RAPH1: variants seen among roughly 807,000 people sequenced by gnomAD.
RAPH1 encodes the protein ras-associated and pleckstrin homology domains-containing protein 1.
RAPH1 carries 18 observed loss-of-function variants against 88.1 expected under a neutral mutation model. The observed-to-expected ratio is 0.20, with a 90% CI of 0.14 to 0.30. RAPH1 has a LOEUF of 0.30. Ranked by LOEUF, RAPH1 falls within the 10% of genes least tolerant of loss-of-function variation. The pLI is 1.00. For synonymous variants in RAPH1, 587 were observed against 559.0 expected (o/e 1.05, Z -0.71); for missense variants, 1,448 against 1,543.2 (o/e 0.94, Z 1.03).
rs1307894522 is a variant in RAPH1 at position 203,518,522 on chromosome 2, CAAAAAAAACAAAAAAACAA to C, written c.-1+16570_-1+16588del. ...AACAGAGTGAGACACCATCTCCAAA[CAAAAAAAACAAAAAAACAA>C]AAAAAAAACAAAAAACTACTATAGG... On this transcript the variant is annotated intron_variant, in intron 1 of 13. Transcript: ENST00000319170. Among the ~76,000 whole-genome samples the C allele has an allele frequency of 2.1e-3, 238 of 111,082 alleles. 2 individuals carry two copies. The highest frequency in any genetic ancestry group is 6.6e-3 in the African/African-American group (229 of 34,822). 72.9% of individuals were successfully genotyped at this position (111,082 alleles called of 152,430 possible).
At position 203,449,795 on chromosome 2, in the gene RAPH1, C is replaced by T. The variant is rs139806488; in HGVS notation, c.1414-959G>A. Reference sequence around the variant, plus strand: ...AACCCAGCACTTTGGGAGGCCGAGGCGGGTGGATCAAGGAGTCAGGAGTTC... The same window carrying T: ...AACCCAGCACTTTGGGAGGCCGAGGTGGGTGGATCAAGGAGTCAGGAGTTC... On this transcript the variant is annotated intron_variant, in intron 10 of 13. Coordinates refer to ENST00000319170, the MANE Select transcript of RAPH1 (RefSeq NM_213589.3). 8.7e-4 allele frequency among the ~76,000 whole-genome samples: 133 copies of T among 152,158 alleles called. 2 individuals carry two copies. Among genetic ancestry groups the T allele is most frequent in the East Asian group, 4.6e-3 (24 of 5,178 alleles).
intron 4 of RAPH1, among the ~76,000 whole-genome samples, chr2:203,488,843 G>A (rs1688111017): frequency 1.3e-5 from 2 of 152,208 alleles, no homozygotes; most frequent in South Asian, 4.2e-4. Context: ...GAAATGGAGG[G>A]CCGGGCACAG....
At position 203,457,567 on chromosome 2, in the gene RAPH1, G is replaced by A. The variant is rs2098520735; in HGVS notation, c.1121C>T (p.Ala374Val). The change falls in exon 8 of 14, where the codon GCT (alanine) becomes GTT (valine). Residue 374 changes from alanine to valine, a missense_variant. This residue lies in a region of RAPH1 where 513 missense variants were observed against 653.1 expected (regional missense o/e 0.79). Coordinates refer to ENST00000319170, the MANE Select transcript of RAPH1 (RefSeq NM_213589.3). ...QNYLLGKKET[A>V]EMADRNKEVL... is the part of the protein sequence containing the mutation. ...TTCTTTGTTTCTATCTGCCATCTCA[G>A]CTGTTTCTTTTTTCCCCAAAAGATA... is the stretch of plus-strand genomic sequence containing the variant. 1.9e-6 allele frequency: 3 copies of A among 1,612,448 alleles called. No homozygotes were observed. Among genetic ancestry groups the A allele is most frequent in the East Asian group, 2.2e-5 (1 of 44,892 alleles).
chr2:203,446,103 T>C (rs1319366660), intron 12 of RAPH1: 2 of 152,238 alleles, frequency 1.3e-5, no homozygotes, highest in Non-Finnish European at 2.9e-5. Context: ...CACTAGTTTT[T>C]CCCTCATGTG....
intron 8 of RAPH1, among the ~76,000 whole-genome samples, chr2:203,455,874 T>G (rs887154120): frequency 1.2e-4 from 17 of 146,456 alleles, no homozygotes; most frequent in South Asian, 2.2e-4. Context: ...CCAGGCATGG[T>G]GGCGCGAGCC....
At chr2:203,441,688 G>A in intron 13 of RAPH1, 1 of 1,309,164 alleles carries the variant, frequency 7.6e-7, no homozygotes, top group Non-Finnish European at 9.7e-7. Flanking sequence ...TGCAAAAGCT[G>A]TTTGAATGGT....
At chr2:203,479,764 TAAAC>T (rs1018157448) in intron 4 of RAPH1, among the ~76,000 whole-genome samples, 17 of 151,878 alleles carry the variant, frequency 1.1e-4, no homozygotes, top group African/African-American at 2.2e-4. Context: ...AAATAGTAAA[TAAAC>T]AAAGATTAAA....
chr2:203,501,546 C>G (rs991869478), intron 1 of RAPH1, among the ~76,000 whole-genome samples: 1 of 152,152 alleles, frequency 6.6e-6, no homozygotes, highest in Non-Finnish European at 1.5e-5. Flanking sequence ...GGCGGGCAGA[C>G]TGCTTGAGCC....
chr2:203,446,474 A>C (rs1346671191), intron 12 of RAPH1: 1 of 152,206 alleles, frequency 6.6e-6, no homozygotes. Flanking sequence ...CAAGTCACTA[A>C]GCACAGTCCA....
rs1415105345 is a variant in RAPH1, at chr2:203,436,005, T to G, written c.*3432A>C. 6.6e-6 allele frequency: 1 copy of G among 152,236 alleles called. No individual in the cohort carries two copies. Among genetic ancestry groups the G allele is most frequent in the African/African-American group, 2.4e-5 (1 of 41,464 alleles). The allele number at this position is 152,236 out of a possible 1,614,324, so 9.4% of individuals were successfully genotyped here. On this transcript the variant is annotated 3_prime_UTR_variant, in exon 14 of 14. Coordinates refer to ENST00000319170, the MANE Select transcript of RAPH1 (RefSeq NM_213589.3). ...AGCAGCAAATAAAACTTGAATTGGA[T>G]GTACAGCTCCTAATAACCTTGATGT...
chr2:203,534,843 T>C (rs1392703213), intron 1 of RAPH1, among the ~76,000 whole-genome samples: 1 of 151,076 alleles, frequency 6.6e-6, no homozygotes, highest in Non-Finnish European at 1.5e-5. Flanking sequence ...CCTTATCTCA[T>C]TGTCTCCCTC....
chr2:203,500,920 GTTCT>G (rs1688713533), intron 1 of RAPH1, among the ~76,000 whole-genome samples: 1 of 152,040 alleles, frequency 6.6e-6, no homozygotes, highest in African/African-American at 2.4e-5. Context: ...ATAAATTTTA[GTTCT>G]TTATTTCCAG....
chr2:203,487,034 G>C (rs142663022), intron 4 of RAPH1, among the ~76,000 whole-genome samples: 2 of 152,130 alleles, frequency 1.3e-5, no homozygotes, highest in African/African-American at 4.8e-5. Flanking sequence ...TTTGAAGTGC[G>C]CTTGCTGGGA....
Position 203,437,381 on chromosome 2 carries a change from C to T in RAPH1, c.*2056G>A, listed in dbSNP as rs1184118750. On this transcript the variant is annotated 3_prime_UTR_variant, in exon 14 of 14. Transcript: ENST00000319170. Reference sequence around the variant, plus strand: ...TAACTCTAACCCACAAATATGGGTGCCCCTCAAACTATAAAACTGCAGGCA... The same window carrying T: ...TAACTCTAACCCACAAATATGGGTGTCCCTCAAACTATAAAACTGCAGGCA... The T allele has an allele frequency of 6.6e-6, 1 of 152,104 alleles. No homozygotes were observed. Among genetic ancestry groups the T allele is most frequent in the Non-Finnish European group, 1.5e-5 (1 of 68,014 alleles). The allele number at this position is 152,104 out of a possible 1,614,324, so 9.4% of individuals were successfully genotyped here. A position where few individuals can be genotyped will look rare whatever the true frequency, so the allele number is the denominator to read the frequency against.
In RAPH1 at chr2:203,461,366, T is replaced by C. The variant is rs2098524078; in HGVS notation, c.853A>G (p.Met285Val). Residue 285 changes from methionine (M) to valine (V), a missense_variant, in exon 6 of 14, where the codon ATG (methionine) becomes GTG (valine). Around this residue, in one of 2 missense-constraint regions of RAPH1, gnomAD observed 513 missense variants for 653.1 expected, o/e 0.79. Transcript: ENST00000319170. ...VHMSDDSSKT[M>V]MVDERQTVRQ... is the part of the protein sequence containing the mutation. ...ACTGTCTGCCTCTCATCCACCATCA[T>C]TGTTTTAGAACTGTCATCAGACATG... 3.7e-6 allele frequency: 6 copies of C among 1,610,924 alleles called. No individual in the cohort carries two copies. Among genetic ancestry groups the C allele is most frequent in the Non-Finnish European group, 5.1e-6 (6 of 1,178,476 alleles).
intron 10 of RAPH1, 93 bp downstream of exon 10, chr2:203,454,337 A>C: frequency 1.2e-6 from 1 of 814,164 alleles, no homozygotes; most frequent in Admixed American, 2.6e-5. Flanking sequence ...CAAAAACAGT[A>C]TAATTGATGG....
At chr2:203,495,385 G>A in intron 1 of RAPH1, 32 bp from the exon 2 acceptor site, 1 of 1,611,490 alleles carries the variant, frequency 6.2e-7, no homozygotes, top group East Asian at 2.2e-5. Context: ...AGAATGAATA[G>A]TAAGTTACAG....
intron 10 of RAPH1, among the ~76,000 whole-genome samples, chr2:203,450,023 C>CAA (rs775580168): frequency 6.7e-4 from 47 of 70,416 alleles, no homozygotes; most frequent in African/African-American, 1.3e-3. Context: ...ACTTCGTCTC[C>CAA]AAAAAAAAAA....
At chr2:203,503,261 C>A (rs1031712320) in intron 1 of RAPH1, among the ~76,000 whole-genome samples, 11 of 151,948 alleles carry the variant, frequency 7.2e-5, no homozygotes, top group Admixed American at 5.9e-4. Context: ...TCTATTAAAC[C>A]GCAAACAGGA....
Sources: gnomAD v4.1 joint callset for allele counts (sites outside exome capture counted in the v4.1 genomes callset) on GRCh38, gnomAD v4.1.1 for gene constraint, gnomAD v4.1.1 regional missense constraint, MANE v1.5 for transcripts, NCBI Gene and HGNC (gene_info 2026-07-23, HGNC 2026-07-21) for gene names.